The following SNX29 variants were observed in gnomAD, a reference collection of about 807,000 sequenced individuals.
SNX29 encodes sorting nexin 29, also known as sorting nexin-29.
SNX29 carries 78 observed loss-of-function variants against 102.1 expected under a neutral mutation model. That is an observed-to-expected ratio of 0.76 (90% CI 0.64 to 0.92). The LOEUF (loss-of-function observed/expected upper bound fraction) is 0.92. Among genes scored for constraint, SNX29 ranks in the 40% least tolerant of loss-of-function variants. The pLI is 0.00. For missense variants in SNX29, 1,280 were observed against 1,061.7 expected, an observed-to-expected ratio of 1.21 and a Z score of -2.86; for synonymous variants, 580 against 414.5, an observed-to-expected ratio of 1.40 and a Z score of -4.85.
intron 13 of SNX29, among the ~76,000 whole-genome samples, chr16:12,191,757 T>C (rs1469210188): frequency 1.2e-5 from 1 of 86,802 alleles, no homozygotes; most frequent in African/African-American, 3.0e-5. Context: ...AACTTGACCT[T>C]TGAAGATTTA....
chr16:12,456,496 CATGTGTGCACGTGTGTGT>C (rs1196399706), intron 18 of SNX29, among the ~76,000 whole-genome samples: 1 of 145,684 alleles, frequency 6.9e-6, no homozygotes, highest in Non-Finnish European at 1.5e-5. Flanking sequence ...TACTGGGTGG[CATGTGTGCACGTGTGTGT>C]GTGTGTGTGT....
rs746116469 is a variant in SNX29, at chr16:12,098,374, C to G, written c.1402+19459C>G. On this transcript the variant is annotated intron_variant, in intron 11 of 20. Coordinates refer to ENST00000566228, the MANE Select transcript of SNX29 (RefSeq NM_032167.5). The surrounding 1 kb of genome is among the most constrained non-coding windows in gnomAD (Gnocchi z 6.0). ...CAGCCACCTTGCTCCCCGTCCAGGA[C>G]TCTAACCATTGGAGTTCACCTTCTG... Among the ~76,000 whole-genome samples the G allele has an allele frequency of 2.6e-5, 4 of 152,232 alleles. No homozygotes were observed. The highest frequency in any genetic ancestry group is 4.4e-5 in the Non-Finnish European group (3 of 68,040).
At chr16:12,365,016 C>A (rs2082420361) in intron 16 of SNX29, among the ~76,000 whole-genome samples, 1 of 152,078 alleles carries the variant, frequency 6.6e-6, no homozygotes, top group South Asian at 2.1e-4. Flanking sequence ...CTTATTAGGC[C>A]CATTTTTCAG....
At chr16:12,002,362 G>A (rs574559724) in intron 2 of SNX29, among the ~76,000 whole-genome samples, 83 of 151,790 alleles carry the variant, frequency 5.5e-4, no homozygotes, top group Admixed American at 3.0e-3. Context: ...GCAGGAGAAT[G>A]GCTTGAACCC....
intron 19 of SNX29, among the ~76,000 whole-genome samples, chr16:12,478,686 A>C (rs952688794): frequency 2.0e-5 from 3 of 151,864 alleles, no homozygotes; most frequent in Non-Finnish European, 4.4e-5. Context: ...TCATGATGTC[A>C]CTCCTCATGT....
At chr16:12,334,346 C>T (rs904103521) in intron 15 of SNX29, among the ~76,000 whole-genome samples, 4 of 152,152 alleles carry the variant, frequency 2.6e-5, no homozygotes, top group Non-Finnish European at 4.4e-5. Flanking sequence ...TCTGGGGCTT[C>T]GCTTTTGTGA....
At chr16:12,515,456 C>A (rs1456066300) in intron 19 of SNX29, 2 of 477,926 alleles carry the variant, frequency 4.2e-6, no homozygotes, top group Non-Finnish European at 8.4e-6. Context: ...TGAAATAGAT[C>A]AGTCAGCTCT....
intron 11 of SNX29, chr16:12,081,513 A>T (rs982290288): frequency 6.6e-6 from 1 of 152,114 alleles, no homozygotes; most frequent in African/African-American, 2.4e-5. Context: ...GAGGACAACA[A>T]TGAAGTTCTG....
intron 14 of SNX29, among the ~76,000 whole-genome samples, chr16:12,243,708 G>A (rs778074051): frequency 2.0e-5 from 3 of 152,140 alleles, no homozygotes; most frequent in Non-Finnish European, 2.9e-5. Context: ...AGACATCAGA[G>A]GCTGGATTGC....
intron 20 of SNX29, chr16:12,556,462 A>T (rs552758615): frequency 3.3e-5 from 5 of 152,396 alleles, no homozygotes; most frequent in African/African-American, 1.2e-4. Flanking sequence ...TCTTAGGCGA[A>T]GGCCAAAAGC....
intron 15 of SNX29, among the ~76,000 whole-genome samples, chr16:12,330,429 G>C (rs158474): frequency 1.3e-5 from 2 of 152,070 alleles, no homozygotes; most frequent in Admixed American, 6.5e-5. Context: ...ATCACACCAC[G>C]GCACTCCAGC....
At chr16:12,551,625 A>G (rs186275507) in intron 20 of SNX29, among the ~76,000 whole-genome samples, 111 of 152,340 alleles carry the variant, frequency 7.3e-4, no homozygotes, top group African/African-American at 2.5e-3. Context: ...AGTCTGAGGC[A>G]TCAACCCAGC....
At chr16:12,477,616 G>T in intron 18 of SNX29, 103 bp from the exon 19 acceptor site, 1 of 1,373,544 alleles carries the variant, frequency 7.3e-7, no homozygotes. Flanking sequence ...TGACACAGAT[G>T]TGACTCTTGC....
intron 15 of SNX29, among the ~76,000 whole-genome samples, chr16:12,299,583 C>T (rs2080095334): frequency 6.6e-6 from 1 of 152,100 alleles, no homozygotes; most frequent in Admixed American, 6.5e-5. Context: ...ATTTATACAG[C>T]ATAATCTAGG....
intron 20 of SNX29, among the ~76,000 whole-genome samples, chr16:12,528,447 A>C (rs1245305384): frequency 1.3e-5 from 2 of 152,006 alleles, no homozygotes; most frequent in African/African-American, 2.4e-5. Context: ...TGATCCGCGT[A>C]CCTCGACCTC....
At position 12,239,383 on chromosome 16, in the gene SNX29, C is replaced by T. The variant is rs540918593; in HGVS notation, c.1679-38550C>T. Among the ~76,000 whole-genome samples the T allele has an allele frequency of 3.3e-5, 5 of 152,156 alleles. No individual in the cohort carries two copies. In the South Asian group the frequency reaches 1.0e-3, roughly 32 times the overall value. On this transcript the variant is annotated intron_variant, in intron 14 of 20. Transcript: ENST00000566228. ...TTTTCAGTGGTCAGAACCCTCTTTG[C>T]TGGGTCGTATGTAGCCTACTGGACC...
intron 20 of SNX29, among the ~76,000 whole-genome samples, chr16:12,564,490 A>T (rs1219661386): frequency 6.6e-6 from 1 of 152,214 alleles, no homozygotes; most frequent in Non-Finnish European, 1.5e-5. Context: ...CAAGGTCTAG[A>T]GTGTCTTAAC....
At chr16:12,219,093 A>G (rs1177072083) in intron 14 of SNX29, among the ~76,000 whole-genome samples, 1 of 152,116 alleles carries the variant, frequency 6.6e-6, no homozygotes, top group Non-Finnish European at 1.5e-5. Flanking sequence ...GGTTTTTGCT[A>G]CTACAAAGAG....
At chr16:12,108,563 G>A (rs2053364211) in intron 11 of SNX29, among the ~76,000 whole-genome samples, 1 of 152,102 alleles carries the variant, frequency 6.6e-6, no homozygotes, top group South Asian at 2.1e-4. Flanking sequence ...ACTATATCTG[G>A]GCAGTGTGCA....
Sources: gnomAD v4.1 joint callset for allele counts (sites outside exome capture counted in the v4.1 genomes callset) on GRCh38, gnomAD v4.1.1 for gene constraint, Gnocchi (gnomAD v3.1) non-coding constraint, MANE v1.5 for transcripts, NCBI Gene and HGNC (gene_info 2026-07-23, HGNC 2026-07-21) for gene names.